The following ELAPOR1 variants were observed in gnomAD, a reference collection of about 807,000 sequenced individuals.
ELAPOR1 encodes the protein endosome/lysosome-associated apoptosis and autophagy regulator 1.
A neutral mutation model predicts 119.7 loss-of-function variants in ELAPOR1; 77 were observed. The ratio of observed to expected loss-of-function variants is 0.64; its 90% CI spans 0.54 to 0.78. The LOEUF (loss-of-function observed/expected upper bound fraction) is 0.78. Among genes scored for constraint, ELAPOR1 ranks in the 30% least tolerant of loss-of-function variants. The pLI is 0.00. For synonymous variants in ELAPOR1, 481 were observed against 487.2 expected, an observed-to-expected ratio of 0.99 and a Z score of 0.17; for missense variants, 1,115 against 1,270.4, an observed-to-expected ratio of 0.88 and a Z score of 1.86.
In ELAPOR1 at chr1:109,198,080, A is replaced by C; in HGVS notation, c.2399+5A>C. 1 of 1,608,610 alleles carries C rather than the reference A, an allele frequency of 6.2e-7. No individual in the cohort carries two copies. Among genetic ancestry groups the C allele is most frequent in the South Asian group, 1.1e-5 (1 of 90,976 alleles). On this transcript the variant is annotated splice_donor_5th_base_variant and intron_variant, in intron 17 of 21. Transcript: ENST00000369939. ...GGACGTGATCTTCTTTTATAGGTGA[A>C]GATGAGAGGCTAGGCTAATGCAAGT... is the stretch of plus-strand genomic sequence containing the variant.
At chr1:109,202,348 G>T (rs1171012242) in intron 21 of ELAPOR1, among the ~76,000 whole-genome samples, 2 of 151,040 alleles carry the variant, frequency 1.3e-5, no homozygotes, top group East Asian at 3.9e-4. Flanking sequence ...TTGAACTCCT[G>T]ACCTCAGGTG....
intron 3 of ELAPOR1, among the ~76,000 whole-genome samples, chr1:109,165,353 G>A (rs183679685): frequency 5.9e-5 from 9 of 152,216 alleles, no homozygotes; most frequent in South Asian, 4.1e-4. Context: ...CTGGGAGGCC[G>A]AGGCGGGTGG....
intron 13 of ELAPOR1, among the ~76,000 whole-genome samples, 161 bp from the exon 14 acceptor site, chr1:109,192,450 C>T (rs75814792): frequency 0.015 from 2,251 of 152,180 alleles, 45 homozygotes; most frequent in African/African-American, 0.044. Flanking sequence ...CAAATGCACA[C>T]GAAGAGCTAC....
At chr1:109,197,414 T>G in intron 15 of ELAPOR1, 60 bp from the exon 16 acceptor site, 1 of 1,476,476 alleles carries the variant, frequency 6.8e-7, no homozygotes, top group South Asian at 1.2e-5. Flanking sequence ...TATTCCCTTC[T>G]GGGAATTCCT....
chr1:109,122,457 A>C (rs1648497214), intron 1 of ELAPOR1, among the ~76,000 whole-genome samples: 1 of 151,336 alleles, frequency 6.6e-6, no homozygotes. Context: ...CCAGGAGTTC[A>C]GGACCAGCCT....
At chr1:109,172,388 C>A in intron 4 of ELAPOR1, 100 bp from the exon 5 acceptor site, 1 of 841,246 alleles carries the variant, frequency 1.2e-6, no homozygotes, top group Non-Finnish European at 1.9e-6. Flanking sequence ...CAACTCTTCC[C>A]ATATAAAGAA....
At chr1:109,135,832 G>A (rs1046835727) in intron 1 of ELAPOR1, among the ~76,000 whole-genome samples, 2 of 152,132 alleles carry the variant, frequency 1.3e-5, no homozygotes, top group African/African-American at 4.8e-5. Flanking sequence ...GCAGTGCCAG[G>A]CCCTGAGCTG....
chr1:109,125,685 A>G (rs1434454612), intron 1 of ELAPOR1, among the ~76,000 whole-genome samples: 1 of 152,174 alleles, frequency 6.6e-6, no homozygotes, highest in Non-Finnish European at 1.5e-5. Context: ...CGCCCGGCCA[A>G]GCAGTCTGTT....
intron 13 of ELAPOR1, among the ~76,000 whole-genome samples, chr1:109,192,139 T>C (rs906211475): frequency 6.6e-6 from 1 of 152,162 alleles, no homozygotes; most frequent in Non-Finnish European, 1.5e-5. Context: ...TTTTTAATAA[T>C]AACAACTCTG....
intron 8 of ELAPOR1, 168 bp from the exon 9 acceptor site, chr1:109,188,009 C>T: frequency 7.2e-7 from 1 of 1,388,920 alleles, no homozygotes; most frequent in Non-Finnish European, 9.4e-7. Context: ...AGGCACTGGG[C>T]TAGGTGCTTG....
intron 3 of ELAPOR1, among the ~76,000 whole-genome samples, chr1:109,165,607 C>T (rs886279208): frequency 6.7e-6 from 1 of 148,192 alleles, no homozygotes; most frequent in Non-Finnish European, 1.5e-5. Context: ...AAAAGAAAAA[C>T]AAAAACAAAA....
At chr1:109,176,054 A>G (rs1263341111) in intron 7 of ELAPOR1, among the ~76,000 whole-genome samples, 1 of 152,174 alleles carries the variant, frequency 6.6e-6, no homozygotes, top group East Asian at 1.9e-4. Context: ...ATTCTGGGAA[A>G]TCTAGGTTTC....
At chr1:109,161,756 C>G in intron 1 of ELAPOR1, 138 bp from the exon 2 acceptor site, 4 of 961,036 alleles carry the variant, frequency 4.2e-6, no homozygotes, top group South Asian at 3.2e-5. Flanking sequence ...TCATAATCAT[C>G]AGCTCCCTGC....
At chr1:109,122,646 G>C (rs980893552) in intron 1 of ELAPOR1, among the ~76,000 whole-genome samples, 11 of 151,596 alleles carry the variant, frequency 7.3e-5, no homozygotes, top group Admixed American at 5.9e-4. Flanking sequence ...GGGCAACACA[G>C]TGGGACTCTC....
chr1:109,114,812 G>A (rs1558009184), intron 1 of ELAPOR1, among the ~76,000 whole-genome samples: 1 of 152,202 alleles, frequency 6.6e-6, no homozygotes, highest in South Asian at 2.1e-4. Context: ...GGAGTGTGAA[G>A]GTGGGAGATG....
intron 9 of ELAPOR1, 67 bp downstream of exon 9, chr1:109,188,421 C>G: frequency 6.7e-7 from 1 of 1,501,806 alleles, no homozygotes; most frequent in South Asian, 1.2e-5. Context: ...TGGGCACTAA[C>G]AGTGGCCAGC....
chr1:109,129,338 C>T (rs761871982), intron 1 of ELAPOR1, among the ~76,000 whole-genome samples: 7 of 151,972 alleles, frequency 4.6e-5, no homozygotes, highest in Admixed American at 2.0e-4. Context: ...GGTGAAACCC[C>T]GTCTCTACTA....
Position 109,164,480 on chromosome 1 carries a change from T to C in ELAPOR1, c.275-19T>C, listed in dbSNP as rs758215742. 6.3e-7 allele frequency: 1 copy of C among 1,597,212 alleles called. No individual in the cohort carries two copies. Among genetic ancestry groups the C allele is most frequent in the Non-Finnish European group, 8.6e-7 (1 of 1,169,232 alleles). The stretch of plus-strand genomic sequence containing the variant: ...GCAGTGACCTCACTGCCCCACCTTG[T>C]CTCTGCCCTGTTTTCCAGCCTTCTC... On this transcript the variant is annotated intron_variant, in intron 2 of 21. Transcript: ENST00000369939.
chr1:109,183,345 A>C (rs1379960603), intron 7 of ELAPOR1, among the ~76,000 whole-genome samples: 3 of 117,472 alleles, frequency 2.6e-5, no homozygotes, highest in African/African-American at 9.5e-5. Flanking sequence ...AAAAAAAAAA[A>C]AAACAAAAAA....
Sources: allele counts gnomAD v4.1 joint callset (sites outside exome capture counted in the v4.1 genomes callset), GRCh38; gene constraint gnomAD v4.1.1; transcripts MANE v1.5; gene names NCBI Gene and HGNC (gene_info 2026-07-23, HGNC 2026-07-21).